Variants in BCKDHB observed in about 807,000 individuals in gnomAD.
The protein encoded by BCKDHB is 2-oxoisovalerate dehydrogenase subunit beta, mitochondrial.
Under a neutral mutation model 48.5 loss-of-function variants are expected in BCKDHB, and 41 were observed. The observed-to-expected ratio is 0.85, with a 90% CI of 0.66 to 1.10. The LOEUF (loss-of-function observed/expected upper bound fraction) is 1.10, where lower values mean the gene tolerates loss of function less well. BCKDHB is among the 50% of genes least tolerant of loss of function. BCKDHB has a pLI of 0.00. For missense variants in BCKDHB, 496 were observed against 494.2 expected, an observed-to-expected ratio of 1.00 and a Z score of -0.03; for synonymous variants, 201 against 174.8, an observed-to-expected ratio of 1.15 and a Z score of -1.18.
At chr6:80,256,833 G>T (rs1341997986) in intron 8 of BCKDHB, among the ~76,000 whole-genome samples, 1 of 152,096 alleles carries the variant, frequency 6.6e-6, no homozygotes, top group Non-Finnish European at 1.5e-5. Context: ...AATAAATGAA[G>T]TTGTCTCACA....
chr6:80,129,062 T>C (rs989724344), intron 2 of BCKDHB, 99 bp from the exon 3 acceptor site: 7 of 938,522 alleles, frequency 7.5e-6, no homozygotes, highest in Non-Finnish European at 1.1e-5. Context: ...ATTTATCTTT[T>C]GTGATTTAAA....
At chr6:80,226,554 C>A (rs796489542) in intron 8 of BCKDHB, among the ~76,000 whole-genome samples, 12 of 152,270 alleles carry the variant, frequency 7.9e-5, no homozygotes, top group African/African-American at 2.9e-4. Context: ...AGATTAGGTT[C>A]TTTGACAAGT....
At chr6:80,310,292 C>A (rs1281726050) in intron 9 of BCKDHB, among the ~76,000 whole-genome samples, 2 of 152,046 alleles carry the variant, frequency 1.3e-5, no homozygotes, top group Non-Finnish European at 2.9e-5. Context: ...GTGTCATTGT[C>A]CCCAGTGTGT....
At chr6:80,324,291 A>G (rs1768915413) in intron 9 of BCKDHB, among the ~76,000 whole-genome samples, 1 of 152,164 alleles carries the variant, frequency 6.6e-6, no homozygotes, top group African/African-American at 2.4e-5. Context: ...GACTTTCTGT[A>G]GGTGGGACCT....
rs1431504618 is a variant in BCKDHB, at chr6:80,345,877, G to C, written c.*2073G>C. 6.6e-6 allele frequency: 1 copy of C among 150,644 alleles called. No homozygotes were observed. The highest frequency in any genetic ancestry group is 1.5e-5 in the Non-Finnish European group (1 of 67,750). 9.3% of individuals were successfully genotyped at this position (150,644 alleles called of 1,614,324 possible). A position where few individuals can be genotyped will look rare whatever the true frequency, so the allele number is the denominator to read the frequency against. On this transcript the variant is annotated 3_prime_UTR_variant, in exon 10 of 10. Coordinates refer to ENST00000320393, the MANE Select transcript of BCKDHB (RefSeq NM_183050.4). ...ACATTTAAACCTATGCTGAAAATACGATAAAAGAAAAACAACTCCAATATG... is the reference window on the plus strand; with the variant it reads ...ACATTTAAACCTATGCTGAAAATACCATAAAAGAAAAACAACTCCAATATG...
intron 3 of BCKDHB, among the ~76,000 whole-genome samples, chr6:80,153,131 T>C (rs1376996790): frequency 6.7e-6 from 1 of 149,852 alleles, no homozygotes; most frequent in East Asian, 2.0e-4. Context: ...TTCTCACTCT[T>C]GGGGTCTCTT....
intron 8 of BCKDHB, among the ~76,000 whole-genome samples, chr6:80,266,307 A>C (rs1030634132): frequency 2.0e-5 from 3 of 152,140 alleles, no homozygotes; most frequent in Non-Finnish European, 4.4e-5. Context: ...CCTGACAAGC[A>C]GCTACTTCAA....
intron 9 of BCKDHB, among the ~76,000 whole-genome samples, chr6:80,325,610 T>TTTGA (rs1293904961): frequency 1.3e-5 from 2 of 152,222 alleles, no homozygotes; most frequent in East Asian, 3.8e-4. Flanking sequence ...AGTTAATCCA[T>TTTGA]TTGATGGTGG....
chr6:80,450,672 G>C, the BCKDHB span, among the ~76,000 whole-genome samples: 2 of 152,108 alleles, frequency 1.3e-5, no homozygotes, highest in Non-Finnish European at 2.9e-5. Context: ...TTCTAATCCA[G>C]CTGTTACAAT....
chr6:80,176,260 A>C lies in BCKDHB; in HGVS notation c.742+4870A>C, dbSNP rs139955398. Among the ~76,000 whole-genome samples the C allele has an allele frequency of 1.7e-3, 264 of 152,274 alleles. 1 individual carries two copies. Among genetic ancestry groups the C allele is most frequent in the African/African-American group, 6.0e-3 (250 of 41,566 alleles). On this transcript the variant is annotated intron_variant, in intron 6 of 9. Coordinates refer to ENST00000320393, the MANE Select transcript of BCKDHB (RefSeq NM_183050.4). ...TAATGGAGGAATAGTAGATTAGATA[A>C]CCTGAAATAAATGGTGTGTGATTGT...
chr6:80,148,269 C>T (rs996078413), intron 3 of BCKDHB, among the ~76,000 whole-genome samples: 3 of 152,180 alleles, frequency 2.0e-5, no homozygotes, highest in Non-Finnish European at 2.9e-5. Context: ...GTGGTCCTGA[C>T]ATTTTTAAGA....
At chr6:80,420,389 A>C in the BCKDHB span, among the ~76,000 whole-genome samples, 1 of 152,162 alleles carries the variant, frequency 6.6e-6, no homozygotes, top group African/African-American at 2.4e-5. Flanking sequence ...GTTCCTTCTC[A>C]GAAGGAAAGT....
At chr6:80,145,534 T>G (rs925825506) in intron 3 of BCKDHB, among the ~76,000 whole-genome samples, 2 of 152,218 alleles carry the variant, frequency 1.3e-5, no homozygotes, top group Admixed American at 6.5e-5. Flanking sequence ...TAAGCTGCTC[T>G]TATAGATATT....
intron 8 of BCKDHB, among the ~76,000 whole-genome samples, chr6:80,229,998 A>G (rs1434228760): frequency 1.5e-5 from 2 of 133,420 alleles, no homozygotes; most frequent in African/African-American, 5.7e-5. Context: ...TACAACCCCA[A>G]TTTGAATTCC....
intron 3 of BCKDHB, among the ~76,000 whole-genome samples, chr6:80,161,592 C>T (rs1313169677): frequency 6.6e-6 from 1 of 152,212 alleles, no homozygotes; most frequent in East Asian, 1.9e-4. Flanking sequence ...GGACCTCAGG[C>T]TGATCCTCTT....
chr6:80,344,117 G>T lies in BCKDHB; in HGVS notation c.*313G>T. 1 of 365,380 alleles carries T rather than the reference G, an allele frequency of 2.7e-6. No individual in the cohort carries two copies. The highest frequency in any genetic ancestry group is 5.3e-6 in the Non-Finnish European group (1 of 190,306). 22.6% of individuals were successfully genotyped at this position (365,380 alleles called of 1,614,324 possible). A position where few individuals can be genotyped will look rare whatever the true frequency, so the allele number is the denominator to read the frequency against. On this transcript the variant is annotated 3_prime_UTR_variant, in exon 10 of 10. Transcript: ENST00000320393. ...ACCCCTGAGTTCAAGCGATTCTCCT[G>T]CCTCAGCCTGCTGAGTAGTTGGGAT...
intron 1 of BCKDHB, among the ~76,000 whole-genome samples, chr6:80,120,758 A>G (rs1276586955): frequency 2.0e-5 from 3 of 152,134 alleles, no homozygotes; most frequent in Non-Finnish European, 4.4e-5. Flanking sequence ...GATTCTGGAT[A>G]TTAGCCCTTT....
At chr6:80,391,177 A>ATATG in the BCKDHB span, among the ~76,000 whole-genome samples, 28 of 149,228 alleles carry the variant, frequency 1.9e-4, no homozygotes, top group African/African-American at 6.4e-4. Flanking sequence ...GCATATATAT[A>ATATG]TGTGTGTGTG....
chr6:80,306,813 G>C (rs1029348230), intron 9 of BCKDHB, among the ~76,000 whole-genome samples: 2 of 152,116 alleles, frequency 1.3e-5, no homozygotes, highest in East Asian at 1.9e-4. Context: ...CCTGACCCCA[G>C]CTTCCTTGTG....
Sources: gnomAD v4.1 joint callset for allele counts (sites outside exome capture counted in the v4.1 genomes callset) on GRCh38, gnomAD v4.1.1 for gene constraint, MANE v1.5 for transcripts, NCBI Gene and HGNC (gene_info 2026-07-23, HGNC 2026-07-21) for gene names.